ZMYND11: variants seen among roughly 807,000 people sequenced by gnomAD.
ZMYND11 encodes the protein zinc finger MYND domain-containing protein 11.
ZMYND11 carries 9 observed loss-of-function variants against 84.9 expected under a neutral mutation model. The ratio of observed to expected loss-of-function variants is 0.11; its 90% CI spans 0.06 to 0.18. The LOEUF (loss-of-function observed/expected upper bound fraction) is 0.18, where lower values mean the gene tolerates loss of function less well. Among genes scored for constraint, ZMYND11 ranks in the 10% least tolerant of loss-of-function variants. ZMYND11 has a pLI of 1.00. For missense variants in ZMYND11, 409 were observed against 761.0 expected (o/e 0.54, Z 5.44); for synonymous variants, 250 against 244.1 (o/e 1.02, Z -0.23).
At chr10:197,382 A>G (rs1942080007) in intron 2 of ZMYND11, among the ~76,000 whole-genome samples, 1 of 152,240 alleles carries the variant, frequency 6.6e-6, no homozygotes, top group Non-Finnish European at 1.5e-5. Flanking sequence ...GACAATTAGA[A>G]AAAAGATACA....
At chr10:148,680 G>A (rs570989754) in intron 1 of ZMYND11, 1 of 152,364 alleles carries the variant, frequency 6.6e-6, no homozygotes, top group Admixed American at 6.5e-5. Flanking sequence ...CATGGCAGGT[G>A]GAATTTTAGG....
rs782798418 is a variant in ZMYND11, at chr10:159,472, T to A, written c.-19-20522T>A. Among the ~76,000 whole-genome samples, 10 of 152,158 alleles carry A rather than the reference T, an allele frequency of 6.6e-5. No homozygotes were observed. The South Asian group carries it at 1.7e-3, about 25-fold the overall frequency. On this transcript the variant is annotated intron_variant, in intron 1 of 14. Transcript: ENST00000381604. ...TGATATATTACATGTAATCTAAAAA[T>A]TGCTCTGCTCTAATGATGAGATAAA...
chr10:248,829 AAGTTTCTGTTCCAGTGT>A, intron 13 of ZMYND11, 57 bp from the exon 14 acceptor site: 1 of 1,515,222 alleles, frequency 6.6e-7, no homozygotes, highest in African/African-American at 1.4e-5. Flanking sequence ...AAGTTGTGTT[AAGTTTCTGTTCCAGTGT>A]AGATGGTCTG....
chr10:180,666 T>C (rs958692762), intron 2 of ZMYND11, among the ~76,000 whole-genome samples: 5 of 152,242 alleles, frequency 3.3e-5, no homozygotes, highest in African/African-American at 4.8e-5. Flanking sequence ...CCCAAAGTGC[T>C]GGGATTTACA....
At chr10:134,226 T>C (rs1190917568), upstream of ZMYND11, among the ~76,000 whole-genome samples, 2 of 152,192 alleles carry the variant, frequency 1.3e-5, no homozygotes, top group Non-Finnish European at 2.9e-5. Context: ...AACACTATAC[T>C]GTAGTAAAAG....
chr10:186,318 T>C (rs530753598), intron 2 of ZMYND11, among the ~76,000 whole-genome samples: 1 of 151,924 alleles, frequency 6.6e-6, no homozygotes, highest in African/African-American at 2.4e-5. Context: ...GCCAGGATTC[T>C]TAACATAGCA....
In ZMYND11 at chr10:204,264, T is replaced by A. The variant is rs75808928; in HGVS notation, c.117-5625T>A. On this transcript the variant is annotated intron_variant, in intron 2 of 14. Transcript: ENST00000381604. ...TCTACCAATAATGTGAAATGCCACT[T>A]TTACTGTAATGAAAATTCCGATTTG... 2.6e-3 allele frequency among the ~76,000 whole-genome samples: 398 copies of A among 152,304 alleles called. 4 individuals are homozygous for A. The highest frequency in any genetic ancestry group is 8.7e-3 in the African/African-American group (360 of 41,574).
At chr10:189,973 A>C (rs1374191415) in intron 2 of ZMYND11, among the ~76,000 whole-genome samples, 1 of 152,182 alleles carries the variant, frequency 6.6e-6, no homozygotes, top group East Asian at 1.9e-4. Flanking sequence ...TGGATCAAGC[A>C]GAGGGACTGT....
chr10:251,733 T>G (rs1197180994), intron 14 of ZMYND11, among the ~76,000 whole-genome samples: 3 of 152,186 alleles, frequency 2.0e-5, no homozygotes, highest in African/African-American at 7.2e-5. Context: ...ACCCTTGCAC[T>G]AGAACATTCT....
chr10:180,090 G>A lies in ZMYND11; in HGVS notation c.78G>A (p.Arg26=), dbSNP rs745818718. The A allele has an allele frequency of 6.2e-7, 1 of 1,613,412 alleles. No homozygotes were observed. Among genetic ancestry groups the A allele is most frequent in the Non-Finnish European group, 8.5e-7 (1 of 1,179,584 alleles). The change falls in exon 2 of 15, where the codon CGG becomes CGA. Residue 26 remains arginine, a synonymous_variant. Coordinates refer to ENST00000381604, the MANE Select transcript of ZMYND11 (RefSeq NM_001370100.5). ...QHLWAAIEII[R]NQKQIANIDR... is the part of the protein sequence containing the mutation. ...TTTGGGCAGCCATTGAGATTATACG[G>A]AACCAGAAGCAGATTGCCAACATTG...
chr10:245,853 A>G (rs1952014717), intron 10 of ZMYND11, among the ~76,000 whole-genome samples: 1 of 152,222 alleles, frequency 6.6e-6, no homozygotes, highest in Non-Finnish European at 1.5e-5. Flanking sequence ...AGGAAGTGCC[A>G]TCCTAATAAT....
chr10:242,286 TA>T, intron 10 of ZMYND11, 147 bp downstream of exon 10: 2 of 1,300,328 alleles, frequency 1.5e-6, no homozygotes, highest in Non-Finnish European at 1.0e-6. Flanking sequence ...CGTTCCAAGA[TA>T]AATTGTTTCC....
At chr10:195,511 C>T (rs1032733478) in intron 2 of ZMYND11, among the ~76,000 whole-genome samples, 1 of 152,186 alleles carries the variant, frequency 6.6e-6, no homozygotes, top group Non-Finnish European at 1.5e-5. Context: ...ACTATAGCCT[C>T]ACACATCAAT....
chr10:203,759 GTCT>G (rs772445763), intron 2 of ZMYND11, among the ~76,000 whole-genome samples: 4 of 152,102 alleles, frequency 2.6e-5, no homozygotes, highest in Non-Finnish European at 4.4e-5. Flanking sequence ...GTGGAAAAAA[GTCT>G]TCTCCCATCC....
At chr10:163,405 C>G (rs1843334796) in intron 1 of ZMYND11, among the ~76,000 whole-genome samples, 1 of 152,000 alleles carries the variant, frequency 6.6e-6, no homozygotes. Context: ...TTTTATTATT[C>G]AGATATTATA....
intron 1 of ZMYND11, among the ~76,000 whole-genome samples, chr10:147,238 A>C (rs1554755623): frequency 2.0e-5 from 3 of 152,038 alleles, no homozygotes; most frequent in African/African-American, 7.2e-5. Flanking sequence ...GATGCCCTTT[A>C]TTTCTTTTTC....
At chr10:242,861 A>C (rs1447404603) in intron 10 of ZMYND11, among the ~76,000 whole-genome samples, 2 of 152,134 alleles carry the variant, frequency 1.3e-5, no homozygotes, top group African/African-American at 4.8e-5. Flanking sequence ...GAAACCTATA[A>C]ATACTGTAAA....
At position 144,282 on chromosome 10, in the gene ZMYND11, C is replaced by T. The variant is rs781919884; in HGVS notation, c.-20+8723C>T. Among the ~76,000 whole-genome samples the T allele has an allele frequency of 2.4e-4, 37 of 152,148 alleles. No homozygotes were observed. In the Middle Eastern group the frequency reaches 0.01, roughly 42 times the overall value. On this transcript the variant is annotated intron_variant, in intron 1 of 14. Transcript: ENST00000381604. ...TGCCCAGGCTGGAGTGCAGTAGCAC[C>T]ATAACTGCTCACTGCAGCCTTGATT...
At chr10:228,370 T>C (rs1431868063) in intron 4 of ZMYND11, among the ~76,000 whole-genome samples, 1 of 152,240 alleles carries the variant, frequency 6.6e-6, no homozygotes, top group Admixed American at 6.5e-5. Context: ...TCTTTTATTT[T>C]CACTCTAAGG....
Sources: gnomAD v4.1 joint callset for allele counts (sites outside exome capture counted in the v4.1 genomes callset) on GRCh38, gnomAD v4.1.1 for gene constraint, MANE v1.5 for transcripts, NCBI Gene and HGNC (gene_info 2026-07-23, HGNC 2026-07-21) for gene names.